SRGAP2: variants seen among roughly 807,000 people sequenced by gnomAD.
SRGAP2 encodes SLIT-ROBO Rho GTPase activating protein 2, also known as SLIT-ROBO Rho GTPase-activating protein 2.
SRGAP2 carries 15 observed loss-of-function variants against 57.2 expected under a neutral mutation model. The ratio of observed to expected loss-of-function variants is 0.26; its 90% CI spans 0.18 to 0.40. SRGAP2 has a LOEUF of 0.40. Among genes scored for constraint, SRGAP2 ranks in the 10% least tolerant of loss-of-function variants. SRGAP2 has a pLI of 1.00. For synonymous variants in SRGAP2, 249 were observed against 248.0 expected (o/e 1.00, Z -0.04); for missense variants, 520 against 669.6 (o/e 0.78, Z 2.47).
chr1:206,253,635 G>GCTA (rs1553311534), intron 2 of SRGAP2, among the ~76,000 whole-genome samples: 1 of 138,038 alleles, frequency 7.2e-6, no homozygotes, highest in Non-Finnish European at 1.5e-5. Context: ...GAGTGCAGTG[G>GCTA]CTAGATCTCG....
At chr1:206,325,270 A>G (rs1571861778) in intron 3 of SRGAP2, among the ~76,000 whole-genome samples, 1 of 152,124 alleles carries the variant, frequency 6.6e-6, no homozygotes, top group African/African-American at 2.4e-5. Context: ...TAAATAGCTG[A>G]GAACAATACT....
intron 2 of SRGAP2, among the ~76,000 whole-genome samples, chr1:206,265,817 C>T (rs1480155823): frequency 2.0e-5 from 3 of 149,288 alleles, no homozygotes; most frequent in Non-Finnish European, 4.5e-5. Context: ...TTTTTTCTCT[C>T]CAGCTTAATT....
At chr1:206,437,630 G>A (rs1283503007) in intron 15 of SRGAP2, 4 of 222,036 alleles carry the variant, frequency 1.8e-5, no homozygotes, top group Non-Finnish European at 3.5e-5. Flanking sequence ...TTTTCTCCCC[G>A]CAGGGGCTCA....
chr1:206,280,128 C>T (rs1388221386), intron 2 of SRGAP2, among the ~76,000 whole-genome samples: 3 of 151,760 alleles, frequency 2.0e-5, no homozygotes. Flanking sequence ...TTTTTTTCCT[C>T]TTAAGACAAG....
chr1:206,427,082 T>C (rs1372902308), intron 13 of SRGAP2, among the ~76,000 whole-genome samples: 6 of 152,176 alleles, frequency 3.9e-5, no homozygotes, highest in African/African-American at 1.4e-4. Context: ...GTTTTTTTTT[T>C]AGTCATTTCA....
chr1:206,234,517 TC>T (rs1171322433), intron 2 of SRGAP2, among the ~76,000 whole-genome samples: 2 of 152,184 alleles, frequency 1.3e-5, no homozygotes, highest in African/African-American at 4.8e-5. Context: ...CCATCTTCTT[TC>T]CCCTACAGGG....
chr1:206,409,984 C>T (rs2103186080), intron 10 of SRGAP2, among the ~76,000 whole-genome samples: 1 of 152,230 alleles, frequency 6.6e-6, no homozygotes, highest in African/African-American at 2.4e-5. Flanking sequence ...GCCTGTAATC[C>T]CAGCTACTCA....
At chr1:206,344,146 A>AT (rs560641975) in intron 4 of SRGAP2, among the ~76,000 whole-genome samples, 6 of 149,692 alleles carry the variant, frequency 4.0e-5, no homozygotes, top group Admixed American at 6.7e-5. Context: ...TTAATACCCC[A>AT]TTTTTTTTCT....
At chr1:206,262,618 A>G (rs1553313770) in intron 2 of SRGAP2, among the ~76,000 whole-genome samples, 3 of 148,086 alleles carry the variant, frequency 2.0e-5, no homozygotes, top group South Asian at 4.3e-4. Context: ...TGACTGGTGG[A>G]GATTAAAAAA....
intron 2 of SRGAP2, among the ~76,000 whole-genome samples, chr1:206,302,002 TAATGATGCATTACA>T (rs1268242227): frequency 6.6e-6 from 1 of 151,154 alleles, no homozygotes; most frequent in Non-Finnish European, 1.5e-5. Context: ...CCTCTCCCCA[TAATGATGCATTACA>T]TAGCATTACA....
rs985229357 is a variant in SRGAP2 at position 206,418,906 on chromosome 1, G to C, written c.1442-467G>C. Among the ~76,000 whole-genome samples the C allele has an allele frequency of 8.2e-3, 1,244 of 151,416 alleles. 21 individuals carry two copies. The highest frequency in any genetic ancestry group is 0.029 in the African/African-American group (1,176 of 41,192). On this transcript the variant is annotated intron_variant, in intron 11 of 22. Transcript: ENST00000573034. ...ACTCTCTCTGTGTGTGTGTGTGTGT[G>C]TGTGTGTGTGTGTGTGTGTGTGTGT...
chr1:206,353,876 C>T (rs1404066114), intron 4 of SRGAP2, among the ~76,000 whole-genome samples: 4 of 146,880 alleles, frequency 2.7e-5, no homozygotes, highest in Middle Eastern at 6.8e-3. Flanking sequence ...CATAGCTCAC[C>T]GTACCCTCAG....
chr1:206,453,544 G>A (rs1198527349), intron 20 of SRGAP2, 164 bp downstream of exon 20: 9 of 307,232 alleles, frequency 2.9e-5, no homozygotes, highest in South Asian at 1.8e-4. Flanking sequence ...CCCACCCCCC[G>A]CCCCACTCCC....
chr1:206,457,440 A>G (rs1198758989), intron 21 of SRGAP2, among the ~76,000 whole-genome samples: 1 of 152,226 alleles, frequency 6.6e-6, no homozygotes, highest in Non-Finnish European at 1.5e-5. Flanking sequence ...TTCTTCCTGC[A>G]ACTGGAGTTA....
chr1:206,327,119 G>C (rs2102857850), intron 3 of SRGAP2, among the ~76,000 whole-genome samples: 1 of 152,242 alleles, frequency 6.6e-6, no homozygotes, highest in South Asian at 2.1e-4. Flanking sequence ...CTGAGGTCAG[G>C]AGTTCGAGAC....
chr1:206,365,548 GGGCCTGCCTCA>G (rs1653912559), intron 4 of SRGAP2, among the ~76,000 whole-genome samples: 1 of 142,418 alleles, frequency 7.0e-6, no homozygotes, highest in East Asian at 2.1e-4. Flanking sequence ...TGAGTTCCCT[GGGCCTGCCTCA>G]TGCCCTCCTC....
chr1:206,282,045 C>A (rs1382475612), intron 2 of SRGAP2, among the ~76,000 whole-genome samples: 2 of 125,638 alleles, frequency 1.6e-5, no homozygotes, highest in African/African-American at 6.5e-5. Flanking sequence ...TACAGAAGTT[C>A]TATCAAAGCA....
chr1:206,413,848 C>T lies in SRGAP2; in HGVS notation c.1357-2041C>T, dbSNP rs954638837. 7.2e-5 allele frequency among the ~76,000 whole-genome samples: 11 copies of T among 152,202 alleles called. No homozygotes were observed. The South Asian group carries it at 1.9e-3, about 26-fold the overall frequency. On this transcript the variant is annotated intron_variant, in intron 10 of 22. Coordinates refer to ENST00000573034, the MANE Select transcript of SRGAP2 (RefSeq NM_015326.5). ...TGCTGTCATGGAGATTTGCATGGTA[C>T]ACACAGGACCATCTGGGTGAACATG...
intron 2 of SRGAP2, among the ~76,000 whole-genome samples, chr1:206,221,306 G>A (rs1408964065): frequency 4.6e-5 from 7 of 150,666 alleles, no homozygotes; most frequent in South Asian, 2.1e-4. Context: ...TGCCTTCAAG[G>A]AGCTGCAGTC....
Sources: allele counts gnomAD v4.1 joint callset (sites outside exome capture counted in the v4.1 genomes callset), GRCh38; gene constraint gnomAD v4.1.1; transcripts MANE v1.5; gene names NCBI Gene and HGNC (gene_info 2026-07-23, HGNC 2026-07-21).